The following DYNC2I1 variants were observed in gnomAD, a reference collection of about 807,000 sequenced individuals.
DYNC2I1 encodes dynein 2 intermediate chain 1, also known as cytoplasmic dynein 2 intermediate chain 1.
A neutral mutation model predicts 133.4 loss-of-function variants in DYNC2I1; 89 were observed. That is an observed-to-expected ratio of 0.67 (90% CI 0.56 to 0.80). DYNC2I1 has a LOEUF of 0.80. Ranked by LOEUF, DYNC2I1 falls within the 30% of genes least tolerant of loss-of-function variation. DYNC2I1 has a pLI of 0.00. For missense variants in DYNC2I1, 1,291 were observed against 1,314.5 expected (o/e 0.98, Z 0.28); for synonymous variants, 504 against 484.3 (o/e 1.04, Z -0.54).
intron 1 of DYNC2I1, among the ~76,000 whole-genome samples, chr7:158,857,392 TATTG>T (rs993012692): frequency 6.6e-6 from 1 of 152,186 alleles, no homozygotes; most frequent in African/African-American, 2.4e-5. Context: ...TATTCTTATC[TATTG>T]ATTCCCCACT....
At chr7:158,932,189 G>A (rs1377356397) in intron 21 of DYNC2I1, among the ~76,000 whole-genome samples, 1 of 152,204 alleles carries the variant, frequency 6.6e-6, no homozygotes, top group African/African-American at 2.4e-5. Context: ...CGCCCCTGCA[G>A]CGAGGCCCCG....
chr7:158,934,492 A>G lies in DYNC2I1; in HGVS notation c.2721A>G (p.Ile907Met). 3 of 1,573,810 alleles carry G rather than the reference A, an allele frequency of 1.9e-6. No homozygotes were observed. The highest frequency in any genetic ancestry group is 1.7e-6 in the Non-Finnish European group (2 of 1,158,484). Residue 907 changes from isoleucine (I) to methionine (M), a missense_variant, in exon 23 of 25, where the codon ATA becomes ATG. By Grantham distance (10) the Ile-to-Met change is conservative. Transcript: ENST00000407559. ...TATTCAAACCTCAGCAACATGGTATAAGACCAGTGAAAGTTAATGTCATTG... is the reference window on the plus strand; with the variant it reads ...TATTCAAACCTCAGCAACATGGTATGAGACCAGTGAAAGTTAATGTCATTG... ...PKLFKPQQHG[I>M]RPVKVNVIDF...
rs778623687 is a variant in DYNC2I1 at position 158,914,234 on chromosome 7, C to T, written c.1704C>T (p.Gly568=). 3 of 1,607,870 alleles carry T rather than the reference C, an allele frequency of 1.9e-6. No individual in the cohort carries two copies. The highest frequency in any genetic ancestry group is 1.3e-5 in the African/African-American group (1 of 74,818). The stretch of plus-strand genomic sequence containing the variant: ...TTTTATATAAACTGTTTTTTTTAGG[C>T]AGTGAACAAAGAGATACCTCTGATG... ...HPGESTVVSG[G]SEQRDTSDAV... is the part of the protein sequence containing the mutation. Residue 568 remains glycine, a splice_region_variant and synonymous_variant, in exon 14 of 25, where the codon GGC becomes GGT. Transcript: ENST00000407559.
At chr7:158,930,710 C>T (rs1381729003) in intron 21 of DYNC2I1, among the ~76,000 whole-genome samples, 195 bp downstream of exon 21, 1 of 151,504 alleles carries the variant, frequency 6.6e-6, no homozygotes, top group Non-Finnish European at 1.5e-5. Flanking sequence ...CTCTTGTTGC[C>T]CCGGCTGGAG....
intron 1 of DYNC2I1, among the ~76,000 whole-genome samples, chr7:158,866,036 A>G (rs1446816776): frequency 6.6e-6 from 1 of 152,152 alleles, no homozygotes; most frequent in Admixed American, 6.5e-5. Flanking sequence ...CCGAAGAAAA[A>G]TCCTGTGATC....
chr7:158,912,737 T>A (rs1585130509), intron 12 of DYNC2I1, among the ~76,000 whole-genome samples: 2 of 152,208 alleles, frequency 1.3e-5, no homozygotes, highest in East Asian at 3.8e-4. Flanking sequence ...AAATAGGGTG[T>A]GGGCAGGTGA....
the DYNC2I1 span, among the ~76,000 whole-genome samples, chr7:158,842,410 C>T: frequency 5.9e-5 from 9 of 152,216 alleles, no homozygotes; most frequent in African/African-American, 1.4e-4. Context: ...TTTCCTCAGC[C>T]GACATAGTGT....
At position 158,869,947 on chromosome 7, in the gene DYNC2I1, A is replaced by G. The variant is rs1215529412; in HGVS notation, c.69+39A>G. 3 of 1,584,342 alleles carry G rather than the reference A, an allele frequency of 1.9e-6. No individual in the cohort carries two copies. In the African/African-American group the frequency reaches 4.1e-5, roughly 21 times the overall value. On this transcript the variant is annotated intron_variant, in intron 2 of 24. Transcript: ENST00000407559. ...AGATTTGGATTGGGATCTGTGCAGG[A>G]CTCGTGTGGTTTTCTTGGACCTGCT...
At chr7:158,949,333 G>A (rs1489708391), downstream of DYNC2I1, among the ~76,000 whole-genome samples, 1 of 152,268 alleles carries the variant, frequency 6.6e-6, no homozygotes, top group Admixed American at 6.5e-5. Context: ...AGACAGTGAA[G>A]CCTGGGAGAG....
chr7:158,911,744 T>C (rs1847501782), intron 12 of DYNC2I1, 65 bp downstream of exon 12: 3 of 1,516,946 alleles, frequency 2.0e-6, no homozygotes, highest in Admixed American at 3.9e-5. Context: ...TAACTTTGTG[T>C]CTTCCTGAAT....
intron 11 of DYNC2I1, 92 bp downstream of exon 11, chr7:158,906,183 T>A: frequency 9.1e-7 from 1 of 1,097,392 alleles, no homozygotes; most frequent in Non-Finnish European, 1.3e-6. Context: ...TTAAAATGCA[T>A]TTTTACTACT....
chr7:158,946,769 C>G (rs1299257495), downstream of DYNC2I1, among the ~76,000 whole-genome samples: 2 of 152,264 alleles, frequency 1.3e-5, no homozygotes, highest in Non-Finnish European at 2.9e-5. Flanking sequence ...ACCCATCCCT[C>G]TGTCCCATCA....
At chr7:158,908,419 G>A (rs960420463) in intron 11 of DYNC2I1, among the ~76,000 whole-genome samples, 1 of 152,162 alleles carries the variant, frequency 6.6e-6, no homozygotes, top group Non-Finnish European at 1.5e-5. Flanking sequence ...AGGTACAATT[G>A]TCTGTAAATC....
intron 23 of DYNC2I1, among the ~76,000 whole-genome samples, chr7:158,940,172 T>TTTTGTGG (rs1038922387): frequency 2.6e-5 from 4 of 152,156 alleles, no homozygotes; most frequent in Non-Finnish European, 2.9e-5. Context: ...AGAGACTGGT[T>TTTTGTGG]TTTGTGGAAG....
At chr7:158,883,444 C>T (rs1265049126) in intron 5 of DYNC2I1, among the ~76,000 whole-genome samples, 2 of 149,906 alleles carry the variant, frequency 1.3e-5, no homozygotes, top group East Asian at 2.0e-4. Context: ...GCCTCGAGCT[C>T]CTGACCTCAG....
chr7:158,875,946 T>G (rs968275965), intron 3 of DYNC2I1, among the ~76,000 whole-genome samples: 3 of 152,242 alleles, frequency 2.0e-5, no homozygotes, highest in Admixed American at 6.5e-5. Flanking sequence ...CAAGGGTTAC[T>G]CAGACATTTG....
chr7:158,925,324 C>G (rs74944641), intron 17 of DYNC2I1, among the ~76,000 whole-genome samples: 1 of 152,040 alleles, frequency 6.6e-6, no homozygotes, highest in Non-Finnish European at 1.5e-5. Context: ...TCATTTCTTG[C>G]TTTTTTGGGT....
chr7:158,874,355 G>A (rs1471780971), intron 3 of DYNC2I1, among the ~76,000 whole-genome samples: 4 of 152,098 alleles, frequency 2.6e-5, no homozygotes, highest in African/African-American at 4.8e-5. Context: ...TTATAGGCAC[G>A]TGTCACCACG....
At chr7:158,887,112 G>C in intron 7 of DYNC2I1, 37 bp downstream of exon 7, 2 of 1,593,386 alleles carry the variant, frequency 1.3e-6, no homozygotes, top group Non-Finnish European at 1.7e-6. Context: ...TTGATTTTAT[G>C]GTACATTGAG....
Sources: allele counts gnomAD v4.1 joint callset (sites outside exome capture counted in the v4.1 genomes callset), GRCh38; gene constraint gnomAD v4.1.1; transcripts MANE v1.5; gene names NCBI Gene and HGNC (gene_info 2026-07-23, HGNC 2026-07-21).